WDFY2: variants seen among roughly 807,000 people sequenced by gnomAD.
WDFY2 encodes the protein WD repeat and FYVE domain-containing protein 2.
WDFY2 carries 36 observed loss-of-function variants against 56.4 expected under a neutral mutation model. That is an observed-to-expected ratio of 0.64 (90% CI 0.49 to 0.84). The LOEUF (loss-of-function observed/expected upper bound fraction) is 0.84. Ranked by LOEUF, WDFY2 falls within the 40% of genes least tolerant of loss-of-function variation. The probability of loss-of-function intolerance (pLI) is 0.00; values close to 1 mark genes in which losing one functional copy is unlikely to be tolerated. For missense variants in WDFY2, 444 were observed against 512.2 expected (o/e 0.87, Z 1.29); for synonymous variants, 176 against 183.7 (o/e 0.96, Z 0.34).
chr13:51,660,519 A>T lies in WDFY2; in HGVS notation c.138-77A>T. The T allele has an allele frequency of 2.1e-6, 3 of 1,432,596 alleles. No homozygotes were observed. In the South Asian group the frequency reaches 3.5e-5, roughly 17 times the overall value. The allele number at this position is 1,432,596 out of a possible 1,614,324, so 88.7% of individuals were successfully genotyped here. ...GCCTCTCTATATATAATATTAAGAG[A>T]TTTGTTTTCTATGTATCAGCATTTT... On this transcript the variant is annotated intron_variant, in intron 1 of 11. Coordinates refer to ENST00000298125, the MANE Select transcript of WDFY2 (RefSeq NM_052950.4).
At chr13:51,672,295 C>A (rs543487267) in intron 2 of WDFY2, among the ~76,000 whole-genome samples, 215 of 152,062 alleles carry the variant, frequency 1.4e-3, no homozygotes, top group Non-Finnish European at 2.5e-3. Flanking sequence ...CGCTGTTTGT[C>A]GAATAGGGTG....
intron 3 of WDFY2, among the ~76,000 whole-genome samples, chr13:51,677,658 A>G (rs1047075107): frequency 6.6e-6 from 1 of 152,204 alleles, no homozygotes; most frequent in African/African-American, 2.4e-5. Flanking sequence ...TGTGTAAGAT[A>G]GACAGTTAAA....
At chr13:51,692,769 G>A (rs989736095) in intron 3 of WDFY2, among the ~76,000 whole-genome samples, 11 of 152,166 alleles carry the variant, frequency 7.2e-5, no homozygotes, top group Non-Finnish European at 1.5e-4. Flanking sequence ...AGAAGGAGTG[G>A]TACCAGTTCC....
At chr13:51,663,556 C>G (rs1343548624) in intron 2 of WDFY2, among the ~76,000 whole-genome samples, 1 of 152,074 alleles carries the variant, frequency 6.6e-6, no homozygotes, top group African/African-American at 2.4e-5. Context: ...AGGAATCTTA[C>G]GCATTCAGAT....
chr13:51,629,826 C>CTTTTTTTTTTTTTTTTTTTTTTT (rs11432630), intron 1 of WDFY2, among the ~76,000 whole-genome samples: 2 of 125,142 alleles, frequency 1.6e-5, no homozygotes, highest in Non-Finnish European at 3.3e-5. Flanking sequence ...TCTTTCTTTT[C>CTTTTTTTTTTTTTTTTTTTTTTT]TTTTTTTTTT....
At chr13:51,623,206 T>A (rs953654319) in intron 1 of WDFY2, among the ~76,000 whole-genome samples, 2 of 150,348 alleles carry the variant, frequency 1.3e-5, no homozygotes, top group Non-Finnish European at 2.9e-5. Context: ...TTGTTTTTTT[T>A]AAAGCGTAAT....
chr13:51,597,036 A>G (rs1366310124), intron 1 of WDFY2, among the ~76,000 whole-genome samples: 1 of 152,190 alleles, frequency 6.6e-6, no homozygotes, highest in African/African-American at 2.4e-5. Flanking sequence ...GCTTGTCTAC[A>G]GGTAGATTAT....
In WDFY2 at chr13:51,761,295, C is replaced by A. The variant is rs1451050277; in HGVS notation, c.*1526C>A. The stretch of plus-strand genomic sequence containing the variant: ...GTCAAGCTTGAGAAAATGAAATATT[C>A]TTGTGTGTAGTGATTCAGCTCAGGA... On this transcript the variant is annotated 3_prime_UTR_variant, in exon 12 of 12. Coordinates refer to ENST00000298125, the MANE Select transcript of WDFY2 (RefSeq NM_052950.4). 1 of 152,156 alleles carries A rather than the reference C, an allele frequency of 6.6e-6. No individual in the cohort carries two copies. The highest frequency in any genetic ancestry group is 1.9e-4 in the East Asian group (1 of 5,190). The allele number at this position is 152,156 out of a possible 1,614,324, so 9.4% of individuals were successfully genotyped here.
Position 51,727,608 on chromosome 13 carries a change from A to G in WDFY2, c.486-70A>G, listed in dbSNP as rs1304445246. The G allele has an allele frequency of 4.9e-6, 7 of 1,435,330 alleles. No homozygotes were observed. In the African/African-American group the frequency reaches 7.0e-5, roughly 14 times the overall value. 88.9% of individuals were successfully genotyped at this position (1,435,330 alleles called of 1,614,324 possible). On this transcript the variant is annotated intron_variant, in intron 5 of 11. Coordinates refer to ENST00000298125, the MANE Select transcript of WDFY2 (RefSeq NM_052950.4). ...GATTTGCGTATTTCTTGTTACATTTATGCCCTGTTTTTTCATTGTAAATTC... is the reference window on the plus strand; with the variant it reads ...GATTTGCGTATTTCTTGTTACATTTGTGCCCTGTTTTTTCATTGTAAATTC...
At chr13:51,633,354 T>G (rs1334158327) in intron 1 of WDFY2, among the ~76,000 whole-genome samples, 1 of 152,246 alleles carries the variant, frequency 6.6e-6, no homozygotes, top group Non-Finnish European at 1.5e-5. Flanking sequence ...GTTCCAATCT[T>G]GGTTGTGCTA....
At chr13:51,637,961 T>G (rs1955084039) in intron 1 of WDFY2, among the ~76,000 whole-genome samples, 1 of 152,194 alleles carries the variant, frequency 6.6e-6, no homozygotes, top group Non-Finnish European at 1.5e-5. Flanking sequence ...ATCTAGAGGC[T>G]AGGAATACCT....
intron 4 of WDFY2, among the ~76,000 whole-genome samples, chr13:51,711,823 C>T (rs1189936934): frequency 6.6e-6 from 1 of 152,146 alleles, no homozygotes; most frequent in Non-Finnish European, 1.5e-5. Flanking sequence ...GAAATAGGAA[C>T]ACTTTTACAC....
At chr13:51,670,766 G>A (rs568379699) in intron 2 of WDFY2, among the ~76,000 whole-genome samples, 1 of 152,098 alleles carries the variant, frequency 6.6e-6, no homozygotes, top group African/African-American at 2.4e-5. Context: ...GGAACAGGTG[G>A]TGCTTGGTTA....
chr13:51,599,683 C>T (rs559538020), intron 1 of WDFY2, among the ~76,000 whole-genome samples: 3 of 152,276 alleles, frequency 2.0e-5, no homozygotes, highest in Non-Finnish European at 4.4e-5. Context: ...TCCAGGATCA[C>T]TTTTGAATAA....
rs567772544 is a variant in WDFY2 at position 51,760,006 on chromosome 13, A to G, written c.*237A>G. On this transcript the variant is annotated 3_prime_UTR_variant, in exon 12 of 12. Transcript: ENST00000298125. The stretch of plus-strand genomic sequence containing the variant: ...AAGCTATTTTTTTAACAAATGGTTT[A>G]TACAGTCTGGCTGTGCTGCATTGTT... 3.0e-5 allele frequency: 14 copies of G among 471,990 alleles called. No individual in the cohort carries two copies. Among genetic ancestry groups the G allele is most frequent in the African/African-American group, 2.5e-4 (13 of 52,030 alleles). 29.2% of individuals were successfully genotyped at this position (471,990 alleles called of 1,614,324 possible). A position where few individuals can be genotyped will look rare whatever the true frequency, so the allele number is the denominator to read the frequency against.
chr13:51,679,275 A>G (rs1955938562), intron 3 of WDFY2, among the ~76,000 whole-genome samples: 2 of 152,188 alleles, frequency 1.3e-5, no homozygotes, highest in Non-Finnish European at 1.5e-5. Flanking sequence ...ACCCTGAGTA[A>G]TTGCTATAGG....
chr13:51,698,953 G>A (rs892358956), intron 3 of WDFY2, among the ~76,000 whole-genome samples: 1 of 152,140 alleles, frequency 6.6e-6, no homozygotes, highest in African/African-American at 2.4e-5. Flanking sequence ...AATTTAGTAA[G>A]ACAGTTACAA....
At chr13:51,645,560 TATAG>T (rs555672343) in intron 1 of WDFY2, among the ~76,000 whole-genome samples, 5 of 152,138 alleles carry the variant, frequency 3.3e-5, no homozygotes, top group African/African-American at 1.2e-4. Context: ...AAATGACCTA[TATAG>T]ATAGTGTTTT....
rs1955596286 is a variant in WDFY2, at chr13:51,660,670, A to T, written c.205+7A>T. 6.2e-7 allele frequency: 1 copy of T among 1,613,102 alleles called. No homozygotes were observed. Among genetic ancestry groups the T allele is most frequent in the Non-Finnish European group, 8.5e-7 (1 of 1,179,464 alleles). On this transcript the variant is annotated splice_region_variant and intron_variant, in intron 2 of 11. Coordinates refer to ENST00000298125, the MANE Select transcript of WDFY2 (RefSeq NM_052950.4). The stretch of plus-strand genomic sequence containing the variant: ...GTATACCATGCAATGCCTTGTAAGT[A>T]TCCAAATCGCTGTCTTGAAAAACCA...
Sources: gnomAD v4.1 joint callset for allele counts (sites outside exome capture counted in the v4.1 genomes callset) on GRCh38, gnomAD v4.1.1 for gene constraint, MANE v1.5 for transcripts, NCBI Gene and HGNC (gene_info 2026-07-23, HGNC 2026-07-21) for gene names.